Variants in RGSL1 observed in about 807,000 individuals in gnomAD.
RGSL1 encodes regulator of G protein signaling protein-like.
In RGSL1, 97 loss-of-function variants were observed where a neutral mutation model predicts 124.7. The observed-to-expected ratio is 0.78, with a 90% CI of 0.66 to 0.92. RGSL1 has a LOEUF of 0.92. Ranked by LOEUF, RGSL1 falls within the 40% of genes least tolerant of loss-of-function variation. The probability of loss-of-function intolerance (pLI) is 0.00; values close to 1 mark genes in which losing one functional copy is unlikely to be tolerated. For missense variants in RGSL1, 1,233 were observed against 1,288.4 expected (o/e 0.96, Z 0.66); for synonymous variants, 424 against 438.1 (o/e 0.97, Z 0.40).
intron 9 of RGSL1, 92 bp downstream of exon 9, chr1:182,493,221 G>T: frequency 1.2e-6 from 1 of 853,614 alleles, no homozygotes; most frequent in South Asian, 1.6e-5. Context: ...AGGAACATAA[G>T]CCAAAAGAGG....
At position 182,450,809 on chromosome 1, in the gene RGSL1, C is replaced by T. The variant is rs114331993; in HGVS notation, c.13+631C>T. On this transcript the variant is annotated intron_variant, in intron 1 of 21. Transcript: ENST00000294854. ...CAGTAATATACTCATTCAACAAATC[C>T]ATGTTAGACTCTATGAATGATAAAC... 3.6e-3 allele frequency among the ~76,000 whole-genome samples: 548 copies of T among 152,228 alleles called. 3 individuals are homozygous for T. The highest frequency in any genetic ancestry group is 0.013 in the African/African-American group (533 of 41,544).
intron 6 of RGSL1, among the ~76,000 whole-genome samples, chr1:182,483,518 G>A (rs115300818): frequency 5.4e-4 from 82 of 151,878 alleles, no homozygotes; most frequent in Admixed American, 1.0e-3. Flanking sequence ...ATATGAATAC[G>A]TGTGTGCATA....
At chr1:182,536,357 T>C (rs1659539147) in intron 14 of RGSL1, among the ~76,000 whole-genome samples, 1 of 152,204 alleles carries the variant, frequency 6.6e-6, no homozygotes, top group African/African-American at 2.4e-5. Context: ...TGTTAAACTT[T>C]ATAAGGAATT....
intron 9 of RGSL1, among the ~76,000 whole-genome samples, chr1:182,503,538 A>T (rs1656562645): frequency 7.7e-6 from 1 of 129,874 alleles, no homozygotes; most frequent in African/African-American, 2.9e-5. Context: ...AATTGAACCC[A>T]TGGAGAAAGA....
intron 10 of RGSL1, among the ~76,000 whole-genome samples, chr1:182,523,365 T>C (rs1376716682): frequency 6.6e-6 from 1 of 152,128 alleles, no homozygotes; most frequent in Admixed American, 6.5e-5. Flanking sequence ...ATGACATTCA[T>C]TGAGGGTGAT....
rs567887723 is a variant in RGSL1 at position 182,461,564 on chromosome 1, A to G, written c.301+1431A>G. Among the ~76,000 whole-genome samples the G allele has an allele frequency of 6.6e-5, 10 of 152,272 alleles. 1 individual carries two copies. The East Asian group carries it at 1.9e-3, about 29-fold the overall frequency. On this transcript the variant is annotated intron_variant, in intron 4 of 21. Transcript: ENST00000294854. ...GCAGATCTACTAGATAAAGACTTTA[A>G]AACAACTGCCTTAAATATGGTCAAA... is the stretch of plus-strand genomic sequence containing the variant.
intron 9 of RGSL1, among the ~76,000 whole-genome samples, chr1:182,518,929 T>C (rs1326054559): frequency 6.6e-6 from 1 of 152,078 alleles, no homozygotes; most frequent in Non-Finnish European, 1.5e-5. Flanking sequence ...GCCATTTTGG[T>C]ACTCTATGTT....
intron 7 of RGSL1, 93 bp downstream of exon 7, chr1:182,488,440 T>C: frequency 1.7e-6 from 2 of 1,209,930 alleles, no homozygotes; most frequent in Non-Finnish European, 2.4e-6. Context: ...TTAAAGTAAA[T>C]GAAATTGTTA....
chr1:182,560,129 G>C (rs1210270130), intron 21 of RGSL1, 150 bp from the exon 22 acceptor site: 3 of 151,898 alleles, frequency 2.0e-5, no homozygotes, highest in African/African-American at 7.3e-5. Flanking sequence ...TGACCTTATA[G>C]TCAGACTGTG....
rs765682564 is a variant in RGSL1 at position 182,522,088 on chromosome 1, G to A, written c.1910G>A (p.Arg637Lys). The change falls in exon 10 of 22, where the codon AGG becomes AAG. Residue 637 changes from arginine to lysine, a missense_variant. Transcript: ENST00000294854. ...KMSLLKRTLV[R>K]KPSMRPRNLT... ...TCCTTGCTCAAAAGAACTCTTGTAA[G>A]GAAGCCATCAATGAGACCCAGGTGA... is the stretch of plus-strand genomic sequence containing the variant. 6.5e-7 allele frequency: 1 copy of A among 1,549,932 alleles called. No individual in the cohort carries two copies. Among genetic ancestry groups the A allele is most frequent in the South Asian group, 1.2e-5 (1 of 83,604 alleles).
chr1:182,484,745 G>A (rs1477053881), intron 6 of RGSL1, among the ~76,000 whole-genome samples: 1 of 152,214 alleles, frequency 6.6e-6, no homozygotes, highest in Non-Finnish European at 1.5e-5. Flanking sequence ...TTCCCCAGGA[G>A]GGAGTGTAGA....
Position 182,454,009 on chromosome 1 carries a change from C to T in RGSL1, c.65C>T (p.Ala22Val). Residue 22 changes from alanine (A) to valine (V), a missense_variant, in exon 2 of 22, where the codon GCC becomes GTC. Transcript: ENST00000294854. The stretch of plus-strand genomic sequence containing the variant: ...ATTCTGCTAGAGGATGAAGTCTTTG[C>T]CGATTTTTTCAACACATTTCTTTCC... Reference protein sequence around the residue: ...LIILLEDEVFADFFNTFLSLP... With the variant: ...LIILLEDEVFVDFFNTFLSLP... The T allele has an allele frequency of 6.5e-7, 1 of 1,535,414 alleles. No individual in the cohort carries two copies. Among genetic ancestry groups the T allele is most frequent in the Admixed American group, 2.0e-5 (1 of 50,948 alleles).
chr1:182,517,770 C>A (rs544567826), intron 9 of RGSL1, among the ~76,000 whole-genome samples: 93 of 152,252 alleles, frequency 6.1e-4, no homozygotes, highest in Non-Finnish European at 1.1e-3. Context: ...CAATGGCTTT[C>A]CGAATTGTTT....
intron 21 of RGSL1, among the ~76,000 whole-genome samples, chr1:182,556,524 G>A (rs1660875578): frequency 6.6e-6 from 1 of 152,176 alleles, no homozygotes; most frequent in East Asian, 1.9e-4. Context: ...AACCATGTCA[G>A]AATTCATTTA....
At chr1:182,538,001 G>A (rs547980022) in intron 14 of RGSL1, among the ~76,000 whole-genome samples, 35 of 152,214 alleles carry the variant, frequency 2.3e-4, no homozygotes, top group Admixed American at 3.9e-4. Flanking sequence ...CTTGACCTGG[G>A]TTTTCCCTCC....
intron 4 of RGSL1, among the ~76,000 whole-genome samples, chr1:182,466,517 T>G (rs1206109790): frequency 6.6e-6 from 1 of 152,112 alleles, no homozygotes; most frequent in Non-Finnish European, 1.5e-5. Context: ...AAAAATCAGT[T>G]GCACTTCCAT....
chr1:182,508,173 A>G (rs1297971143), intron 9 of RGSL1, among the ~76,000 whole-genome samples: 1 of 151,818 alleles, frequency 6.6e-6, no homozygotes, highest in Non-Finnish European at 1.5e-5. Flanking sequence ...TCCTTTTTAC[A>G]CAACCTCACC....
chr1:182,452,369 C>T (rs1268146671), intron 1 of RGSL1, among the ~76,000 whole-genome samples: 5 of 151,822 alleles, frequency 3.3e-5, no homozygotes, highest in African/African-American at 1.2e-4. Context: ...ACACATAGCA[C>T]TTGACAGCAA....
intron 4 of RGSL1, among the ~76,000 whole-genome samples, chr1:182,471,743 G>A (rs1220967759): frequency 1.3e-5 from 2 of 152,142 alleles, no homozygotes; most frequent in Non-Finnish European, 2.9e-5. Context: ...ACAAATCCCT[G>A]TAGTGGGAGT....
Sources: allele counts gnomAD v4.1 joint callset (sites outside exome capture counted in the v4.1 genomes callset), GRCh38; gene constraint gnomAD v4.1.1; transcripts MANE v1.5; gene names NCBI Gene and HGNC (gene_info 2026-07-23, HGNC 2026-07-21).